Variants in CCDC102B observed in about 807,000 individuals in gnomAD.
CCDC102B encodes coiled-coil domain-containing protein 102B.
In CCDC102B, 75 loss-of-function variants were observed where a neutral mutation model predicts 57.4. The ratio of observed to expected loss-of-function variants is 1.31; its 90% CI spans 1.08 to 1.58. The LOEUF (loss-of-function observed/expected upper bound fraction) is 1.58, where lower values mean the gene tolerates loss of function less well. Among genes scored for constraint, CCDC102B ranks in the 40% most tolerant of loss-of-function variants. CCDC102B has a pLI of 0.00. For synonymous variants in CCDC102B, 206 were observed against 201.9 expected, an observed-to-expected ratio of 1.02 and a Z score of -0.17; for missense variants, 636 against 582.6, an observed-to-expected ratio of 1.09 and a Z score of -0.94.
intron 1 of CCDC102B, among the ~76,000 whole-genome samples, chr18:68,829,272 C>T (rs570788824): frequency 6.6e-6 from 1 of 151,916 alleles, no homozygotes; most frequent in African/African-American, 2.4e-5. Context: ...ATGCTTTTTG[C>T]TTTAGTAAGA....
chr18:68,725,382 T>G lies in CCDC102B; in HGVS notation c.-67+8788T>G, dbSNP rs2032548661. Among the ~76,000 whole-genome samples, 6 of 152,204 alleles carry G rather than the reference T, an allele frequency of 3.9e-5. No homozygotes were observed. In the South Asian group the frequency reaches 1.2e-3, roughly 32 times the overall value. ...GAAATCCAGTACATTCAGCTAGTCTTTCTACTTCAGGTCACAAAAATCTAC... is the reference window on the plus strand; with the variant it reads ...GAAATCCAGTACATTCAGCTAGTCTGTCTACTTCAGGTCACAAAAATCTAC... On this transcript the variant is annotated intron_variant, in intron 2 of 3. Coordinates refer to the CCDC102B transcript ENST00000578970.
At chr18:68,836,646 T>C in intron 1 of CCDC102B, 103 bp from the exon 2 acceptor site, 1 of 741,068 alleles carries the variant, frequency 1.3e-6, no homozygotes, top group Admixed American at 3.7e-5. Context: ...AAAAGCATTG[T>C]TTTCATCAAT....
intron 6 of CCDC102B, among the ~76,000 whole-genome samples, chr18:68,946,389 A>C (rs973744066): frequency 6.6e-6 from 1 of 152,044 alleles, no homozygotes; most frequent in Non-Finnish European, 1.5e-5. Context: ...ACACATATAC[A>C]TATGATCTAT....
intron 2 of CCDC102B, among the ~76,000 whole-genome samples, chr18:68,767,501 T>G (rs1294830027): frequency 6.6e-6 from 1 of 152,220 alleles, no homozygotes; most frequent in South Asian, 2.1e-4. Flanking sequence ...TGCTTGTTGT[T>G]TAAGCTTTCC....
rs73463856 is a variant in CCDC102B at position 68,933,964 on chromosome 18, A to G, written c.1263+36536A>G. On this transcript the variant is annotated intron_variant, in intron 6 of 7. Transcript: ENST00000360242. ...GTATTTATGCATTATAATAACAAAA[A>G]TTAGGCTTCCTTTTAAATGAGACAG... 6.0e-3 allele frequency among the ~76,000 whole-genome samples: 918 copies of G among 152,034 alleles called. 14 individuals carry two copies. The highest frequency in any genetic ancestry group is 0.02 in the African/African-American group (817 of 41,524).
chr18:68,747,096 C>G (rs1005026580), intron 2 of CCDC102B, among the ~76,000 whole-genome samples: 2 of 152,018 alleles, frequency 1.3e-5, no homozygotes, highest in Non-Finnish European at 2.9e-5. Flanking sequence ...ATTCAAAATT[C>G]TCTCTTCTGG....
chr18:68,899,172 C>T lies in CCDC102B; in HGVS notation c.1263+1744C>T, dbSNP rs1012927778. Among the ~76,000 whole-genome samples the T allele has an allele frequency of 2.0e-5, 3 of 151,976 alleles. No homozygotes were observed. The East Asian group carries it at 5.8e-4, about 29-fold the overall frequency. Reference sequence around the variant, plus strand: ...TACAAATTCAGACTATCTGCTGGAACTAAAATAATCACTTATTTTGGAACG... The same window carrying T: ...TACAAATTCAGACTATCTGCTGGAATTAAAATAATCACTTATTTTGGAACG... On this transcript the variant is annotated intron_variant, in intron 6 of 7. Transcript: ENST00000360242.
intron 1 of CCDC102B, among the ~76,000 whole-genome samples, chr18:68,801,075 G>A (rs753006123): frequency 6.6e-6 from 1 of 151,872 alleles, no homozygotes; most frequent in Non-Finnish European, 1.5e-5. Flanking sequence ...CTGCCTACTA[G>A]TTTAGAATCA....
rs186349055 is a variant in CCDC102B, at chr18:69,017,453, T to A, written c.1434+6349T>A. On this transcript the variant is annotated intron_variant, in intron 7 of 7. Transcript: ENST00000360242. ...TTTCTTTCTTTCGTGGAACTCTTTTTAAAAATTTTAACTTTTAGGATTGTA... is the reference window on the plus strand; with the variant it reads ...TTTCTTTCTTTCGTGGAACTCTTTTAAAAAATTTTAACTTTTAGGATTGTA... 9.2e-5 allele frequency among the ~76,000 whole-genome samples: 14 copies of A among 152,302 alleles called. No homozygotes were observed. The East Asian group carries it at 2.5e-3, about 27-fold the overall frequency.
intron 2 of CCDC102B, among the ~76,000 whole-genome samples, chr18:68,776,906 T>C (rs1311481306): frequency 6.6e-6 from 1 of 152,226 alleles, no homozygotes; most frequent in Non-Finnish European, 1.5e-5. Flanking sequence ...TAGTTTTTAT[T>C]GTATTACCAT....
At chr18:68,934,081 T>C (rs2041767340) in intron 6 of CCDC102B, among the ~76,000 whole-genome samples, 1 of 151,966 alleles carries the variant, frequency 6.6e-6, no homozygotes, top group African/African-American at 2.4e-5. Context: ...AGTTAATTTC[T>C]ACTATGTCCA....
Position 68,811,417 on chromosome 18 carries a change from C to G in CCDC102B, c.-16+13236C>G, listed in dbSNP as rs1312241728. On this transcript the variant is annotated intron_variant, in intron 1 of 7. Coordinates refer to ENST00000360242, the MANE Select transcript of CCDC102B (RefSeq NM_024781.3). ...ATCACCTGGGATCAGGGGTTTGAGA[C>G]CAGCCTGGCCAACATGGCAAAACCC... 3.3e-5 allele frequency among the ~76,000 whole-genome samples: 5 copies of G among 152,102 alleles called. No homozygotes were observed. The East Asian group carries it at 9.7e-4, about 29-fold the overall frequency.
rs184708659 is a variant in CCDC102B, at chr18:68,767,868, A to G, written c.-67+51274A>G. The stretch of plus-strand genomic sequence containing the variant: ...GCAAGTGTTTTTCAAATTGTTATTT[A>G]TTTATTTATCTTAGGTATATTGAAT... On this transcript the variant is annotated intron_variant, in intron 2 of 3. Coordinates refer to the CCDC102B transcript ENST00000578970. 4.9e-3 allele frequency among the ~76,000 whole-genome samples: 743 copies of G among 152,228 alleles called. 10 individuals carry two copies. Among genetic ancestry groups the G allele is most frequent in the African/African-American group, 0.017 (716 of 41,568 alleles).
At chr18:68,717,960 G>A (rs545196574) in intron 2 of CCDC102B, 2 of 152,332 alleles carry the variant, frequency 1.3e-5, no homozygotes, top group African/African-American at 4.8e-5. Flanking sequence ...TTATAAAAGA[G>A]ATTGAAGGGA....
At chr18:68,878,790 TGGGCA>T (rs2039554702) in intron 5 of CCDC102B, among the ~76,000 whole-genome samples, 1 of 152,106 alleles carries the variant, frequency 6.6e-6, no homozygotes, top group Admixed American at 6.6e-5. Context: ...CAAGCACAGA[TGGGCA>T]AGTGTAATTA....
intron 2 of CCDC102B, among the ~76,000 whole-genome samples, chr18:68,767,554 G>T (rs113756288): frequency 6.6e-6 from 1 of 152,194 alleles, no homozygotes; most frequent in Non-Finnish European, 1.5e-5. Context: ...TGATGAAAAC[G>T]CTTGTAGATC....
chr18:68,994,720 C>T (rs966613441), intron 6 of CCDC102B, among the ~76,000 whole-genome samples: 1 of 152,162 alleles, frequency 6.6e-6, no homozygotes, highest in Non-Finnish European at 1.5e-5. Flanking sequence ...TTGTGAGTTT[C>T]CAGAGGCCTC....
At chr18:68,906,087 C>T (rs2040633016) in intron 6 of CCDC102B, among the ~76,000 whole-genome samples, 1 of 152,124 alleles carries the variant, frequency 6.6e-6, no homozygotes. Flanking sequence ...GCTACCACGC[C>T]CGGCCTACGT....
In CCDC102B at chr18:68,843,826, G is replaced by A. The variant is rs887262646; in HGVS notation, c.828-2487G>A. On this transcript the variant is annotated intron_variant, in intron 3 of 7. Coordinates refer to ENST00000360242, the MANE Select transcript of CCDC102B (RefSeq NM_024781.3). ...TTGAACTATATTATTCATCAATTTTGAAAATCTCTCTGAAACACAGAATAA... is the reference window on the plus strand; with the variant it reads ...TTGAACTATATTATTCATCAATTTTAAAAATCTCTCTGAAACACAGAATAA... Among the ~76,000 whole-genome samples the A allele has an allele frequency of 2.0e-5, 3 of 151,970 alleles. No individual in the cohort carries two copies. The East Asian group carries it at 5.8e-4, about 29-fold the overall frequency.
Sources: allele counts gnomAD v4.1 joint callset (sites outside exome capture counted in the v4.1 genomes callset), GRCh38; gene constraint gnomAD v4.1.1; transcripts MANE v1.5; gene names NCBI Gene and HGNC (gene_info 2026-07-23, HGNC 2026-07-21).